Variants in RTN4IP1 observed in about 807,000 individuals in gnomAD.
RTN4IP1 encodes the protein reticulon 4 interacting protein 1.
A neutral mutation model predicts 46.6 loss-of-function variants in RTN4IP1; 32 were observed. The observed-to-expected ratio is 0.69, with a 90% CI of 0.52 to 0.92. The LOEUF is 0.92. RTN4IP1 is among the 40% of genes least tolerant of loss of function. The pLI is 0.00. For synonymous variants in RTN4IP1, 167 were observed against 161.8 expected (o/e 1.03, Z -0.24); for missense variants, 424 against 485.8 (o/e 0.87, Z 1.20).
intron 5 of RTN4IP1, among the ~76,000 whole-genome samples, chr6:106,600,167 G>C (rs9384624): frequency 0.71 from 107,664 of 151,786 alleles, 39,548 homozygotes; most frequent in Non-Finnish European, 0.81. Context: ...AGTCTAAGCT[G>C]GGTCTGGGGT....
rs9486430 is a variant in RTN4IP1 at position 106,626,963 on chromosome 6, G to A, written c.274+1785C>T. On this transcript the variant is annotated intron_variant, in intron 1 of 8. Coordinates refer to ENST00000369063, the MANE Select transcript of RTN4IP1 (RefSeq NM_032730.5). ...TATTTTACGTCCAACAGTAGTGGCC[G>A]TCTCCAGAAAAACAGCCAGCCTTCA... Among the ~76,000 whole-genome samples, 220 of 152,134 alleles carry A rather than the reference G, an allele frequency of 1.4e-3. 1 individual carries two copies. The highest frequency in any genetic ancestry group is 5.1e-3 in the African/African-American group (212 of 41,494).
intron 5 of RTN4IP1, among the ~76,000 whole-genome samples, chr6:106,597,823 C>T (rs1775836499): frequency 6.6e-6 from 1 of 151,930 alleles, no homozygotes; most frequent in East Asian, 1.9e-4. Context: ...TTAGGTATAT[C>T]TCCCAACGCT....
intron 5 of RTN4IP1, among the ~76,000 whole-genome samples, chr6:106,597,304 C>T (rs1287806634): frequency 6.6e-6 from 1 of 152,128 alleles, no homozygotes; most frequent in South Asian, 2.1e-4. Context: ...ATCAATTTTC[C>T]TTGCCTGTCA....
At chr6:106,599,784 T>C (rs536660132) in intron 5 of RTN4IP1, among the ~76,000 whole-genome samples, 1 of 151,974 alleles carries the variant, frequency 6.6e-6, no homozygotes, top group Non-Finnish European at 1.5e-5. Context: ...GTAAACATAC[T>C]TGTATATCTA....
At chr6:106,617,021 G>A (rs181493566) in intron 4 of RTN4IP1, among the ~76,000 whole-genome samples, 1 of 152,268 alleles carries the variant, frequency 6.6e-6, no homozygotes, top group African/African-American at 2.4e-5. Flanking sequence ...ATAAGAGAGA[G>A]AGACCCCAGA....
upstream of RTN4IP1, chr6:106,629,613 C>T: frequency 6.5e-7 from 1 of 1,550,150 alleles, no homozygotes; most frequent in Non-Finnish European, 8.7e-7. Context: ...CATGTAACAT[C>T]ACTAGCGACC....
At chr6:106,577,760 G>A (rs1775265386) in intron 8 of RTN4IP1, among the ~76,000 whole-genome samples, 1 of 152,068 alleles carries the variant, frequency 6.6e-6, no homozygotes, top group South Asian at 2.1e-4. Context: ...TAAGGGGAAG[G>A]CAGGAGGGTT....
intron 5 of RTN4IP1, among the ~76,000 whole-genome samples, chr6:106,597,456 CA>C (rs1775825347): frequency 6.6e-6 from 1 of 152,102 alleles, no homozygotes; most frequent in Admixed American, 6.5e-5. Flanking sequence ...GTGATCCTCA[CA>C]CCTCAGCCTC....
At chr6:106,574,467 C>T (rs564168017) in intron 8 of RTN4IP1, among the ~76,000 whole-genome samples, 1 of 151,994 alleles carries the variant, frequency 6.6e-6, no homozygotes, top group East Asian at 1.9e-4. Flanking sequence ...CCAGTTGTTT[C>T]CTGTATGTCC....
chr6:106,610,597 G>A (rs1776200693), intron 4 of RTN4IP1, among the ~76,000 whole-genome samples: 1 of 152,104 alleles, frequency 6.6e-6, no homozygotes, highest in African/African-American at 2.4e-5. Flanking sequence ...TGAAGTAGAA[G>A]CCTATTTGTG....
rs1216883107 is a variant in RTN4IP1, at chr6:106,629,412, G to T, written c.-391C>A. 10 of 579,602 alleles carry T rather than the reference G, an allele frequency of 1.7e-5. No homozygotes were observed. The highest frequency in any genetic ancestry group is 6.2e-5 in the Admixed American group (2 of 32,334). The allele number at this position is 579,602 out of a possible 1,614,324, so 35.9% of individuals were successfully genotyped here. ...ACACCGCTCGCGATCCAACGCCAGA[G>T]AATCGAACGCTTGCCGACTGCCGCC... On this transcript the variant is annotated 5_prime_UTR_variant, in exon 1 of 9. Transcript: ENST00000369063.
At chr6:106,627,459 G>T (rs1436385767) in intron 1 of RTN4IP1, among the ~76,000 whole-genome samples, 1 of 152,154 alleles carries the variant, frequency 6.6e-6, no homozygotes, top group African/African-American at 2.4e-5. Context: ...CATAGAAATA[G>T]TGACTGAATG....
rs1264633997 is a variant in RTN4IP1, at chr6:106,628,879, A to G, written c.143T>C (p.Ile48Thr). 6.2e-7 allele frequency: 1 copy of G among 1,614,134 alleles called. No individual in the cohort carries two copies. ...PRSTVMPAWV[I>T]DKYGKNEVLR... ...CACTTCATTCTTCCCATATTTATCTATCACCCAAGCAGGCATGACAGTGCT... is the reference window on the plus strand; with the variant it reads ...CACTTCATTCTTCCCATATTTATCTGTCACCCAAGCAGGCATGACAGTGCT... Residue 48 changes from isoleucine to threonine, a missense_variant, in exon 1 of 9, where the codon ATA (isoleucine) becomes ACA (threonine). Transcript: ENST00000369063.
chr6:106,615,452 T>C (rs958468853), intron 4 of RTN4IP1, among the ~76,000 whole-genome samples: 1 of 152,130 alleles, frequency 6.6e-6, no homozygotes, highest in African/African-American at 2.4e-5. Context: ...GTTGCAAGTA[T>C]ACACAATTTA....
chr6:106,620,258 C>T (rs974203324), intron 3 of RTN4IP1, among the ~76,000 whole-genome samples: 1 of 152,098 alleles, frequency 6.6e-6, no homozygotes, highest in Non-Finnish European at 1.5e-5. Context: ...GCGCCCAACA[C>T]CATGCCCGGC....
chr6:106,576,293 G>A (rs1051421005), intron 8 of RTN4IP1, among the ~76,000 whole-genome samples: 2 of 152,184 alleles, frequency 1.3e-5, no homozygotes, highest in Admixed American at 1.3e-4. Flanking sequence ...GAGTAAGTGT[G>A]CCATTTGGGA....
intron 8 of RTN4IP1, among the ~76,000 whole-genome samples, chr6:106,580,738 C>A (rs7756017): frequency 0.15 from 20,769 of 142,558 alleles, 1,675 homozygotes; most frequent in African/African-American, 0.21. Flanking sequence ...AAAAAAAAAA[C>A]GATCAAAATT....
chr6:106,580,372 T>G (rs1775333883), intron 8 of RTN4IP1, among the ~76,000 whole-genome samples: 1 of 151,998 alleles, frequency 6.6e-6, no homozygotes, highest in African/African-American at 2.4e-5. Context: ...GGCCACAAGA[T>G]AAATTCCAGA....
intron 8 of RTN4IP1, among the ~76,000 whole-genome samples, chr6:106,573,936 G>T (rs922969708): frequency 1.3e-5 from 2 of 152,148 alleles, no homozygotes; most frequent in Non-Finnish European, 2.9e-5. Context: ...TGCTACACGG[G>T]TGCCATCCAC....
Sources: allele counts gnomAD v4.1 joint callset (sites outside exome capture counted in the v4.1 genomes callset), GRCh38; gene constraint gnomAD v4.1.1; transcripts MANE v1.5; gene names NCBI Gene and HGNC (gene_info 2026-07-23, HGNC 2026-07-21).